Variants in GMDS observed in about 807,000 individuals in gnomAD.
GMDS encodes the protein GDP-mannose 4,6-dehydratase, also known as GDP-mannose 4,6 dehydratase.
In GMDS, 20 loss-of-function variants were observed where a neutral mutation model predicts 49.9. The ratio of observed to expected loss-of-function variants is 0.40; its 90% CI spans 0.28 to 0.58. GMDS has a LOEUF of 0.58. Ranked by LOEUF, GMDS falls within the 20% of genes least tolerant of loss-of-function variation. The pLI is 0.42. For missense variants in GMDS, 362 were observed against 481.4 expected (o/e 0.75, Z 2.32); for synonymous variants, 177 against 178.6 (o/e 0.99, Z 0.07).
intron 4 of GMDS, among the ~76,000 whole-genome samples, chr6:1,966,342 C>T (rs796383638): frequency 1.4e-3 from 208 of 147,086 alleles, no homozygotes; most frequent in African/African-American, 5.1e-3. Flanking sequence ...CTTATTTCAC[C>T]TAATAAGGAG....
intron 1 of GMDS, among the ~76,000 whole-genome samples, chr6:2,206,358 C>A (rs150961141): frequency 1.3e-5 from 2 of 152,142 alleles, no homozygotes; most frequent in Admixed American, 1.3e-4. Flanking sequence ...GTTCTCAACC[C>A]AAGTGGAGTG....
intron 1 of GMDS, among the ~76,000 whole-genome samples, chr6:2,222,974 C>T (rs1156688747): frequency 1.3e-5 from 2 of 152,080 alleles, no homozygotes; most frequent in Non-Finnish European, 2.9e-5. Flanking sequence ...CTAATTCTGC[C>T]TCCAAGCGGC....
chr6:1,693,417 T>C (rs4959591), intron 9 of GMDS, among the ~76,000 whole-genome samples: 7,422 of 152,302 alleles, frequency 0.049, 437 homozygotes, highest in African/African-American at 0.13. Flanking sequence ...GGGAACTTGC[T>C]GGGCTCTGCC....
rs1581399084 is a variant in GMDS, at chr6:1,640,793, T to G, written c.988-16253A>C. On this transcript the variant is annotated intron_variant, in intron 9 of 10. Coordinates refer to ENST00000380815, the MANE Select transcript of GMDS (RefSeq NM_001500.4). The surrounding 1 kb of genome is among the most constrained non-coding windows in gnomAD (Gnocchi z 4.0). ...AACAATCAGGTGGTTACAAGGCCTC[T>G]GATAAAAAGAAAATTGGGTAATGGG... 6.6e-6 allele frequency among the ~76,000 whole-genome samples: 1 copy of G among 151,140 alleles called. No homozygotes were observed.
chr6:2,172,635 T>C (rs1170090270), intron 1 of GMDS, among the ~76,000 whole-genome samples: 1 of 151,818 alleles, frequency 6.6e-6, no homozygotes, highest in African/African-American at 2.4e-5. Flanking sequence ...GAGGTTGCAG[T>C]GAGCCGAGAT....
At chr6:1,808,375 C>T (rs533243211) in intron 7 of GMDS, among the ~76,000 whole-genome samples, 1 of 152,268 alleles carries the variant, frequency 6.6e-6, no homozygotes, top group East Asian at 1.9e-4. Flanking sequence ...ATTATTGCCA[C>T]TTCTACCACA....
At chr6:2,032,101 G>A (rs1164149299) in intron 4 of GMDS, among the ~76,000 whole-genome samples, 1 of 152,046 alleles carries the variant, frequency 6.6e-6, no homozygotes, top group African/African-American at 2.4e-5. Context: ...ATGACCAAAG[G>A]GTGGAATAAA....
At chr6:1,847,628 C>T (rs944396298) in intron 7 of GMDS, among the ~76,000 whole-genome samples, 6 of 152,220 alleles carry the variant, frequency 3.9e-5, no homozygotes, top group African/African-American at 1.4e-4. Context: ...CAGCTACTTT[C>T]TGCAGAATGT....
rs548075097 is a variant in GMDS, at chr6:1,900,992, G to A, written c.771+29111C>T. Among the ~76,000 whole-genome samples, 12 of 152,252 alleles carry A rather than the reference G, an allele frequency of 7.9e-5. No individual in the cohort carries two copies. The South Asian group carries it at 2.5e-3, about 32-fold the overall frequency. Reference sequence around the variant, plus strand: ...TATGCTGCAACTTTTTCCTTCCCAGGCCACTTCCTAATACATTTACTAGCA... The same window carrying A: ...TATGCTGCAACTTTTTCCTTCCCAGACCACTTCCTAATACATTTACTAGCA... On this transcript the variant is annotated intron_variant, in intron 7 of 10. Transcript: ENST00000380815.
At chr6:2,057,640 C>G (rs971710331) in intron 4 of GMDS, among the ~76,000 whole-genome samples, 1 of 152,150 alleles carries the variant, frequency 6.6e-6, no homozygotes, top group Non-Finnish European at 1.5e-5. Context: ...CTGACTCCCT[C>G]AAATAAAGTG....
In GMDS at chr6:1,962,665, A is replaced by G. The variant is rs116815208; in HGVS notation, c.346-1699T>C. 4.9e-3 allele frequency among the ~76,000 whole-genome samples: 744 copies of G among 152,162 alleles called. 5 individuals are homozygous for G. The highest frequency in any genetic ancestry group is 0.018 in the African/African-American group (729 of 41,532). ...TTCAGCATCTTTTCATATGCTTATCAGCCATTTGTATCTTGTTTTTGTAGA... is the reference window on the plus strand; with the variant it reads ...TTCAGCATCTTTTCATATGCTTATCGGCCATTTGTATCTTGTTTTTGTAGA... On this transcript the variant is annotated intron_variant, in intron 4 of 10. Transcript: ENST00000380815.
chr6:1,968,524 C>G (rs2628456), intron 4 of GMDS, among the ~76,000 whole-genome samples: 92,672 of 151,946 alleles, frequency 0.61, 28,358 homozygotes, highest in East Asian at 0.65. Context: ...TCCCCTCTTG[C>G]GGGGTTTACA....
intron 1 of GMDS, among the ~76,000 whole-genome samples, chr6:2,159,554 T>C (rs2127544151): frequency 6.8e-6 from 1 of 146,770 alleles, no homozygotes; most frequent in Admixed American, 6.8e-5. Context: ...AGTCTTGCTC[T>C]GCCGGCCAGG....
chr6:1,873,490 C>T (rs1758876696), intron 7 of GMDS, among the ~76,000 whole-genome samples: 1 of 152,126 alleles, frequency 6.6e-6, no homozygotes. Context: ...CACTTTTTCC[C>T]TGGAAACAGG....
intron 1 of GMDS, among the ~76,000 whole-genome samples, chr6:2,135,362 T>A (rs953597875): frequency 6.6e-6 from 1 of 152,166 alleles, no homozygotes; most frequent in East Asian, 1.9e-4. Context: ...AGTGTGTGCA[T>A]GCTTGCCTGA....
At chr6:2,194,039 TA>T (rs529615148) in intron 1 of GMDS, among the ~76,000 whole-genome samples, 302 of 136,272 alleles carry the variant, frequency 2.2e-3, no homozygotes, top group African/African-American at 5.2e-3. Context: ...TATTTTTTTT[TA>T]AAAAAAAAGA....
chr6:1,895,762 A>G (rs984122821), intron 7 of GMDS, among the ~76,000 whole-genome samples: 5 of 152,180 alleles, frequency 3.3e-5, no homozygotes, highest in African/African-American at 1.2e-4. Context: ...GGTTTTGTAC[A>G]TAGTTCTCAG....
chr6:1,974,439 G>A (rs1376429292), intron 4 of GMDS, among the ~76,000 whole-genome samples: 4 of 152,172 alleles, frequency 2.6e-5, no homozygotes, highest in African/African-American at 9.7e-5. Flanking sequence ...ACCAGATACA[G>A]AGAGAAGGCT....
chr6:1,960,776 T>C lies in GMDS; in HGVS notation c.536A>G (p.Tyr179Cys). The change falls in exon 5 of 11, where the codon TAT becomes TGT. Residue 179 changes from tyrosine to cysteine, a missense_variant and splice_region_variant. By Grantham distance (194) the Tyr-to-Cys change is radical. Transcript: ENST00000380815. ...CCGGTGTGCACGCATGTTCTCACCA[T>C]AGGGTGACCGGGGATAGAAAGGGGT... ...ETTPFYPRSP[Y>C]GAAKLYAYWI... 3.8e-6 allele frequency: 6 copies of C among 1,592,192 alleles called. No individual in the cohort carries two copies. The highest frequency in any genetic ancestry group is 5.2e-6 in the Non-Finnish European group (6 of 1,163,422).
Sources: allele counts gnomAD v4.1 joint callset (sites outside exome capture counted in the v4.1 genomes callset), GRCh38; gene constraint gnomAD v4.1.1; non-coding constraint Gnocchi (gnomAD v3.1); transcripts MANE v1.5; gene names NCBI Gene and HGNC (gene_info 2026-07-23, HGNC 2026-07-21).